The following ARSB variants were observed in gnomAD, a reference collection of about 807,000 sequenced individuals.
ARSB encodes N-acetylgalactosamine-4-sulfatase.
In ARSB, 41 loss-of-function variants were observed where a neutral mutation model predicts 50.9. That is an observed-to-expected ratio of 0.81 (90% CI 0.63 to 1.04). The LOEUF is 1.04. ARSB is among the 50% of genes least tolerant of loss of function. ARSB has a pLI of 0.00. For missense variants in ARSB, 672 were observed against 693.3 expected (o/e 0.97, Z 0.35); for synonymous variants, 269 against 284.8 (o/e 0.94, Z 0.56).
intron 4 of ARSB, among the ~76,000 whole-genome samples, chr5:78,905,344 G>GGTTTTTTT (rs764047687): frequency 7.7e-6 from 1 of 130,544 alleles, no homozygotes; most frequent in Non-Finnish European, 1.6e-5. Context: ...GTATTTTCCT[G>GGTTTTTTT]TTTTTTTTTT....
intron 4 of ARSB, among the ~76,000 whole-genome samples, chr5:78,896,132 G>A (rs1481857481): frequency 6.6e-6 from 1 of 152,202 alleles, no homozygotes; most frequent in East Asian, 1.9e-4. Context: ...ACACCACAGT[G>A]TGGAAGGGGT....
intron 4 of ARSB, among the ~76,000 whole-genome samples, chr5:78,941,902 C>T (rs1750950453): frequency 6.6e-6 from 1 of 152,110 alleles, no homozygotes; most frequent in African/African-American, 2.4e-5. Flanking sequence ...GTTGTGAATC[C>T]ATCTGGTCCT....
rs1015783844 is a variant in ARSB at position 78,982,553 on chromosome 5, T to C, written c.312+2384A>G. 5.3e-5 allele frequency among the ~76,000 whole-genome samples: 8 copies of C among 152,172 alleles called. 1 individual carries two copies. Among genetic ancestry groups the C allele is most frequent in the African/African-American group, 1.9e-4 (8 of 41,430 alleles). ...CAACCCTAGGGCCACGTGCCCTGGG[T>C]CAAATCCTGGTCCAACATATACTAG... On this transcript the variant is annotated intron_variant, in intron 1 of 7. Coordinates refer to ENST00000264914, the MANE Select transcript of ARSB (RefSeq NM_000046.5).
intron 1 of ARSB, among the ~76,000 whole-genome samples, chr5:78,973,260 A>G (rs1414384707): frequency 6.6e-6 from 1 of 152,242 alleles, no homozygotes; most frequent in Non-Finnish European, 1.5e-5. Flanking sequence ...AGAAGGTTCT[A>G]CATGTAATAT....
At chr5:78,895,784 C>T (rs912054727) in intron 4 of ARSB, among the ~76,000 whole-genome samples, 4 of 152,104 alleles carry the variant, frequency 2.6e-5, no homozygotes, top group Non-Finnish European at 2.9e-5. Context: ...GTCTGGGCTC[C>T]GGAAATGGAT....
chr5:78,803,306 T>G (rs1743462190), intron 6 of ARSB, among the ~76,000 whole-genome samples: 1 of 152,246 alleles, frequency 6.6e-6, no homozygotes. Flanking sequence ...CCTCTTGTAT[T>G]AATACAATTA....
intron 4 of ARSB, among the ~76,000 whole-genome samples, chr5:78,929,325 GAGGGCA>G (rs1257519506): frequency 6.6e-6 from 1 of 152,126 alleles, no homozygotes. Flanking sequence ...TTTCAGTCTA[GAGGGCA>G]AGGAATCAAC....
chr5:78,926,292 A>G (rs563396261), intron 4 of ARSB, among the ~76,000 whole-genome samples: 1 of 152,306 alleles, frequency 6.6e-6, no homozygotes, highest in South Asian at 2.1e-4. Flanking sequence ...GCAGCTGGAA[A>G]GGCTTTCTTT....
chr5:78,957,064 G>A (rs1347711471), intron 3 of ARSB, among the ~76,000 whole-genome samples: 1 of 152,126 alleles, frequency 6.6e-6, no homozygotes, highest in Non-Finnish European at 1.5e-5. Flanking sequence ...ACATCAATTT[G>A]CAACATTTAA....
chr5:78,816,779 T>TGAG (rs776124672), intron 6 of ARSB, among the ~76,000 whole-genome samples: 3 of 152,230 alleles, frequency 2.0e-5, no homozygotes, highest in Non-Finnish European at 2.9e-5. Context: ...CTTGAGAAGC[T>TGAG]GAGGGTAGTC....
chr5:78,788,622 T>G (rs1749161940), intron 6 of ARSB, among the ~76,000 whole-genome samples: 1 of 152,218 alleles, frequency 6.6e-6, no homozygotes, highest in Admixed American at 6.5e-5. Context: ...AGATAAGGTC[T>G]TACACTGTTG....
chr5:78,846,823 G>C (rs1220514550), intron 5 of ARSB, among the ~76,000 whole-genome samples: 4 of 152,130 alleles, frequency 2.6e-5, no homozygotes, highest in Non-Finnish European at 5.9e-5. Flanking sequence ...TCGTTGTCTT[G>C]TTTCAGATGT....
chr5:78,970,570 A>G (rs1280214175), intron 1 of ARSB, among the ~76,000 whole-genome samples: 1 of 152,182 alleles, frequency 6.6e-6, no homozygotes, highest in Non-Finnish European at 1.5e-5. Context: ...CTGATACTCT[A>G]ATGTCCAACA....
intron 6 of ARSB, among the ~76,000 whole-genome samples, chr5:78,806,217 T>C (rs1743555064): frequency 6.6e-6 from 1 of 152,156 alleles, no homozygotes; most frequent in Admixed American, 6.5e-5. Context: ...CAAACAAAAT[T>C]AACCCAAATG....
rs559119167 is a variant in ARSB at position 78,875,876 on chromosome 5, C to T, written c.1142+9708G>A. Among the ~76,000 whole-genome samples the T allele has an allele frequency of 5.3e-5, 8 of 152,108 alleles. No individual in the cohort carries two copies. In the South Asian group the frequency reaches 1.7e-3, roughly 32 times the overall value. ...AGAGGCAGGGTTTCACCAGGTTGGCCAGCCTGGTCTCAAACTCCTGACCTC... is the reference window on the plus strand; with the variant it reads ...AGAGGCAGGGTTTCACCAGGTTGGCTAGCCTGGTCTCAAACTCCTGACCTC... On this transcript the variant is annotated intron_variant, in intron 5 of 7. Transcript: ENST00000264914.
At chr5:78,813,247 A>G (rs904004746) in intron 6 of ARSB, among the ~76,000 whole-genome samples, 1 of 152,042 alleles carries the variant, frequency 6.6e-6, no homozygotes, top group African/African-American at 2.4e-5. Flanking sequence ...TATTTTTAGT[A>G]GAGATGGGGT....
chr5:78,963,413 C>T (rs1561529704), intron 3 of ARSB, among the ~76,000 whole-genome samples: 1 of 152,200 alleles, frequency 6.6e-6, no homozygotes, highest in African/African-American at 2.4e-5. Flanking sequence ...GACCTTCAGG[C>T]ATTGTCAAAG....
intron 6 of ARSB, among the ~76,000 whole-genome samples, chr5:78,829,446 G>T (rs746073397): frequency 2.6e-5 from 4 of 152,032 alleles, no homozygotes; most frequent in African/African-American, 4.8e-5. Context: ...TGTCCTTACT[G>T]CTTATATTAT....
chr5:78,834,417 A>G (rs1178419409), intron 6 of ARSB, among the ~76,000 whole-genome samples: 2 of 151,454 alleles, frequency 1.3e-5, no homozygotes, highest in East Asian at 3.9e-4. Flanking sequence ...CCACAACCTC[A>G]GGCAACCACC....
Sources: gnomAD v4.1 joint callset for allele counts (sites outside exome capture counted in the v4.1 genomes callset) on GRCh38, gnomAD v4.1.1 for gene constraint, MANE v1.5 for transcripts, NCBI Gene and HGNC (gene_info 2026-07-23, HGNC 2026-07-21) for gene names.